Variants in FCHSD2 observed in about 807,000 individuals in gnomAD.
FCHSD2 encodes the protein F-BAR and double SH3 domains protein 2.
FCHSD2 carries 38 observed loss-of-function variants against 108.1 expected under a neutral mutation model. That is an observed-to-expected ratio of 0.35 (90% CI 0.27 to 0.46). The LOEUF (loss-of-function observed/expected upper bound fraction) is 0.46. FCHSD2 is among the 20% of genes least tolerant of loss of function. FCHSD2 has a pLI of 1.00. For missense variants in FCHSD2, 751 were observed against 897.8 expected (o/e 0.84, Z 2.09); for synonymous variants, 279 against 314.7 (o/e 0.89, Z 1.20).
At position 72,837,483 on chromosome 11, in the gene FCHSD2, A is replaced by AG. The variant is rs1860766112; in HGVS notation, c.*1307_*1308insC. 6.6e-6 allele frequency: 1 copy of AG among 151,826 alleles called. No individual in the cohort carries two copies. Among genetic ancestry groups the AG allele is most frequent in the South Asian group, 2.1e-4 (1 of 4,824 alleles). The allele number at this position is 151,826 out of a possible 1,614,324, so 9.4% of individuals were successfully genotyped here. A position where few individuals can be genotyped will look rare whatever the true frequency, so the allele number is the denominator to read the frequency against. On this transcript the variant is annotated 3_prime_UTR_variant, in exon 20 of 20. Coordinates refer to ENST00000409418, the MANE Select transcript of FCHSD2 (RefSeq NM_014824.3). ...AACCAAGGAAAAAAAAAAAAAACAA[A>AG]CCACAACCGGCGAACATCCCTTAGT...
At chr11:72,867,676 T>G (rs934676420) in intron 13 of FCHSD2, among the ~76,000 whole-genome samples, 189 bp downstream of exon 13, 1 of 152,112 alleles carries the variant, frequency 6.6e-6, no homozygotes, top group Admixed American at 6.5e-5. Flanking sequence ...AAAAAAACAC[T>G]CATTTTTTCC....
At chr11:72,942,988 T>C (rs1473255683) in intron 8 of FCHSD2, among the ~76,000 whole-genome samples, 2 of 152,114 alleles carry the variant, frequency 1.3e-5, no homozygotes, top group African/African-American at 4.8e-5. Flanking sequence ...CACAAATTCA[T>C]TAATACTGAC....
intron 8 of FCHSD2, among the ~76,000 whole-genome samples, chr11:72,948,093 C>T (rs1004312401): frequency 7.2e-5 from 11 of 152,200 alleles, no homozygotes; most frequent in African/African-American, 2.2e-4. Context: ...CTGCAACCTC[C>T]ACCTCTGGGT....
chr11:73,121,250 A>G (rs1232264831), intron 2 of FCHSD2, among the ~76,000 whole-genome samples: 1 of 151,976 alleles, frequency 6.6e-6, no homozygotes, highest in African/African-American at 2.4e-5. Flanking sequence ...TATTCCTCTC[A>G]TACTTATCCC....
At chr11:72,983,385 G>A (rs1857253374) in intron 8 of FCHSD2, among the ~76,000 whole-genome samples, 1 of 152,046 alleles carries the variant, frequency 6.6e-6, no homozygotes, top group African/African-American at 2.4e-5. Context: ...CGGGAGGATT[G>A]CTTGAGCCTG....
At chr11:72,963,243 C>G (rs1033950546) in intron 8 of FCHSD2, among the ~76,000 whole-genome samples, 1 of 152,126 alleles carries the variant, frequency 6.6e-6, no homozygotes, top group African/African-American at 2.4e-5. Context: ...TAAATAACAT[C>G]TTATTAATAG....
chr11:73,076,852 T>G (rs554784810), intron 3 of FCHSD2, among the ~76,000 whole-genome samples: 1 of 152,308 alleles, frequency 6.6e-6, no homozygotes, highest in East Asian at 1.9e-4. Context: ...GCCTCACGCC[T>G]GTAATCCCAA....
At chr11:72,843,054 G>T in intron 16 of FCHSD2, 97 bp downstream of exon 16, 3 of 1,205,926 alleles carry the variant, frequency 2.5e-6, no homozygotes, top group Non-Finnish European at 3.6e-6. Flanking sequence ...AGGACAGGAG[G>T]AAAGTTGTGC....
chr11:72,958,165 T>C (rs1379643197), intron 8 of FCHSD2, among the ~76,000 whole-genome samples: 1 of 152,322 alleles, frequency 6.6e-6, no homozygotes, highest in East Asian at 1.9e-4. Flanking sequence ...AGGGGAAAGA[T>C]GGCTTGCTTT....
At chr11:73,065,807 G>A (rs1250818803) in intron 3 of FCHSD2, among the ~76,000 whole-genome samples, 1 of 152,082 alleles carries the variant, frequency 6.6e-6, no homozygotes, top group African/African-American at 2.4e-5. Flanking sequence ...GGATGTGAAG[G>A]ACCTCTTCAA....
chr11:72,915,388 G>A (rs61895235), intron 9 of FCHSD2, among the ~76,000 whole-genome samples: 3,637 of 152,184 alleles, frequency 0.024, 54 homozygotes, highest in Non-Finnish European at 0.028. Context: ...CAGCAATCCC[G>A]TTACTGAGTA....
In FCHSD2 at chr11:72,867,855, G is replaced by T; in HGVS notation, c.1308+10C>A. 1 of 1,608,318 alleles carries T rather than the reference G, an allele frequency of 6.2e-7. No individual in the cohort carries two copies. The highest frequency in any genetic ancestry group is 8.5e-7 in the Non-Finnish European group (1 of 1,177,142). Reference sequence around the variant, plus strand: ...AATCAACTTGTCATATCCAAGAAAAGAAATCGTACCGAGTGTAAAGTGCCA... The same window carrying T: ...AATCAACTTGTCATATCCAAGAAAATAAATCGTACCGAGTGTAAAGTGCCA... On this transcript the variant is annotated intron_variant, in intron 13 of 19. Transcript: ENST00000409418.
rs748769706 is a variant in FCHSD2 at position 72,902,639 on chromosome 11, CTAAAGAGAAAATAAAA to C, written c.829-17_829-2del. 6.4e-7 allele frequency: 1 copy of C among 1,555,552 alleles called. No individual in the cohort carries two copies. ...GCTGAAGATTGTAGTCCCGGACCACCTAAAGAGAAAATAAAATATCTTTAGGTCTTTAATGAGGTTA... is the reference window on the plus strand; with the variant it reads ...GCTGAAGATTGTAGTCCCGGACCACCTATCTTTAGGTCTTTAATGAGGTTA... On this transcript the variant is annotated splice_acceptor_variant and splice_polypyrimidine_tract_variant and intron_variant, in intron 9 of 19. Coordinates refer to ENST00000409418, the MANE Select transcript of FCHSD2 (RefSeq NM_014824.3). LOFTEE classifies it high-confidence loss of function.
chr11:72,898,037 C>T (rs1239704634), intron 10 of FCHSD2, among the ~76,000 whole-genome samples: 1 of 152,158 alleles, frequency 6.6e-6, no homozygotes, highest in African/African-American at 2.4e-5. Context: ...AACCATGAGA[C>T]AGCTATTAAG....
intron 13 of FCHSD2, among the ~76,000 whole-genome samples, chr11:72,856,427 T>C (rs1861430140): frequency 6.6e-6 from 1 of 152,226 alleles, no homozygotes; most frequent in Non-Finnish European, 1.5e-5. Context: ...GTTTGCCTAA[T>C]ACAATTCTAT....
rs117594886 is a variant in FCHSD2 at position 72,991,561 on chromosome 11, G to A, written c.388-2464C>T. Among the ~76,000 whole-genome samples, 1,282 of 152,078 alleles carry A rather than the reference G, an allele frequency of 8.4e-3. 12 individuals carry two copies. Among genetic ancestry groups the A allele is most frequent in the Admixed American group, 0.013 (191 of 15,258 alleles). On this transcript the variant is annotated intron_variant, in intron 5 of 19. Coordinates refer to ENST00000409418, the MANE Select transcript of FCHSD2 (RefSeq NM_014824.3). ...GGGATGCAAGGCTGGTTCAACATAC[G>A]CTGATCAAGTGGGCTTCATCCCTGG...
chr11:72,934,993 C>T (rs1856272138), intron 8 of FCHSD2, among the ~76,000 whole-genome samples: 1 of 152,086 alleles, frequency 6.6e-6, no homozygotes, highest in Non-Finnish European at 1.5e-5. Flanking sequence ...CCACACACTC[C>T]CTTACACATT....
At chr11:72,840,489 G>A (rs1412221568) in intron 19 of FCHSD2, among the ~76,000 whole-genome samples, 2 of 152,150 alleles carry the variant, frequency 1.3e-5, no homozygotes, top group Non-Finnish European at 2.9e-5. Context: ...GCTCTTTAAG[G>A]CCATGAAGTT....
At chr11:72,888,780 C>T (rs1218169985) in intron 11 of FCHSD2, among the ~76,000 whole-genome samples, 2 of 151,890 alleles carry the variant, frequency 1.3e-5, no homozygotes, top group Admixed American at 6.6e-5. Flanking sequence ...GCCCCCATGC[C>T]CGACTAATTT....
Sources: gnomAD v4.1 joint callset for allele counts (sites outside exome capture counted in the v4.1 genomes callset) on GRCh38, gnomAD v4.1.1 for gene constraint, MANE v1.5 for transcripts, NCBI Gene and HGNC (gene_info 2026-07-23, HGNC 2026-07-21) for gene names.